LINGO2: variants seen among roughly 807,000 people sequenced by gnomAD.
LINGO2 encodes the protein leucine rich repeat and Ig domain containing 2, also known as leucine-rich repeat and immunoglobulin-like domain-containing nogo receptor-interacting protein 2.
In LINGO2, 14 loss-of-function variants were observed where a neutral mutation model predicts 30.6. That is an observed-to-expected ratio of 0.46 (90% CI 0.30 to 0.72). The LOEUF is 0.72. LINGO2 is among the 30% of genes least tolerant of loss of function. The probability of loss-of-function intolerance (pLI) is 0.07; values close to 1 mark genes in which losing one functional copy is unlikely to be tolerated. For missense variants in LINGO2, 729 were observed against 751.7 expected (o/e 0.97, Z 0.35); for synonymous variants, 317 against 288.5 (o/e 1.10, Z -1.00).
the LINGO2 span, among the ~76,000 whole-genome samples, chr9:29,114,269 G>C: frequency 1.3e-5 from 2 of 151,574 alleles, no homozygotes; most frequent in African/African-American, 4.8e-5. Context: ...AAACAATATT[G>C]AGTGAAAGTA....
At chr9:28,127,995 A>G (rs966219395) in intron 4 of LINGO2, among the ~76,000 whole-genome samples, 22 of 152,188 alleles carry the variant, frequency 1.4e-4, no homozygotes, top group Admixed American at 1.4e-3. Context: ...AAGTGTCTCT[A>G]TTTAAAAAAT....
chr9:29,087,611 A>C, the LINGO2 span, among the ~76,000 whole-genome samples: 7 of 152,152 alleles, frequency 4.6e-5, no homozygotes, highest in Non-Finnish European at 1.0e-4. Context: ...ATAGACCTCT[A>C]TACCAAATGT....
the LINGO2 span, among the ~76,000 whole-genome samples, chr9:28,691,661 G>A: frequency 6.6e-6 from 1 of 152,068 alleles, no homozygotes. Context: ...GTGATCTTGA[G>A]AATCTTGGAT....
At chr9:28,040,031 T>TAA (rs894853172) in intron 4 of LINGO2, among the ~76,000 whole-genome samples, 1 of 152,240 alleles carries the variant, frequency 6.6e-6, no homozygotes, top group African/African-American at 2.4e-5. Flanking sequence ...CAGCATGAGA[T>TAA]AAGGTGAACT....
chr9:28,765,452 G>A, the LINGO2 span, among the ~76,000 whole-genome samples: 1 of 152,038 alleles, frequency 6.6e-6, no homozygotes, highest in East Asian at 1.9e-4. Flanking sequence ...TGGTGGGGAA[G>A]GTGGGGCCTA....
the LINGO2 span, among the ~76,000 whole-genome samples, chr9:29,029,832 A>C: frequency 6.6e-6 from 1 of 151,628 alleles, no homozygotes; most frequent in Non-Finnish European, 1.5e-5. Flanking sequence ...GCCATTTAGA[A>C]GATATAAATC....
chr9:28,226,100 G>C (rs1410090232), intron 4 of LINGO2, among the ~76,000 whole-genome samples: 1 of 152,144 alleles, frequency 6.6e-6, no homozygotes, highest in East Asian at 1.9e-4. Context: ...ATCCAGCCAA[G>C]GCCACAGAAA....
chr9:28,216,946 C>A (rs760393014), intron 4 of LINGO2, among the ~76,000 whole-genome samples: 2 of 151,480 alleles, frequency 1.3e-5, no homozygotes, highest in Non-Finnish European at 3.0e-5. Context: ...ATTTACATGC[C>A]AACATCCTTC....
Position 28,293,067 on chromosome 9 carries a change from C to T in LINGO2, c.-87+2141G>A, listed in dbSNP as rs10968448. 0.016 allele frequency among the ~76,000 whole-genome samples: 2,461 copies of T among 152,028 alleles called. 147 individuals carry two copies. In the East Asian group the frequency reaches 0.2, roughly 12 times the overall value. ...GATTACAGCCTTGAGCCACCGCACC[C>T]GGCTGGCCCTGATTTTTTAAAAATT... On this transcript the variant is annotated intron_variant, in intron 4 of 5. Transcript: ENST00000379992.
chr9:27,998,163 C>T (rs1309472534), intron 5 of LINGO2, among the ~76,000 whole-genome samples: 3 of 146,336 alleles, frequency 2.1e-5, no homozygotes, highest in Non-Finnish European at 4.6e-5. Context: ...TAGCCTATGT[C>T]TACATTGACC....
chr9:28,092,479 AGGTGGGAACT>A (rs943669331), intron 4 of LINGO2, among the ~76,000 whole-genome samples: 6 of 145,960 alleles, frequency 4.1e-5, no homozygotes, highest in Non-Finnish European at 7.6e-5. Flanking sequence ...TCTCACTCAT[AGGTGGGAACT>A]GAACAATGAG....
intron 3 of LINGO2, among the ~76,000 whole-genome samples, chr9:28,343,754 A>C (rs1459626718): frequency 6.6e-6 from 1 of 152,100 alleles, no homozygotes; most frequent in Non-Finnish European, 1.5e-5. Context: ...ACCTCTTCTC[A>C]CCATTTCTAT....
chr9:28,299,734 C>T (rs895791016), intron 3 of LINGO2, among the ~76,000 whole-genome samples: 2 of 151,882 alleles, frequency 1.3e-5, no homozygotes, highest in Admixed American at 6.6e-5. Context: ...AGTGCTGTAC[C>T]GTATTAACTC....
chr9:29,075,677 T>C, the LINGO2 span, among the ~76,000 whole-genome samples: 1 of 152,094 alleles, frequency 6.6e-6, no homozygotes, highest in Non-Finnish European at 1.5e-5. Flanking sequence ...CCTGGTGTTT[T>C]AAGAGGAAAA....
chr9:28,911,669 C>T, the LINGO2 span, among the ~76,000 whole-genome samples: 135 of 152,088 alleles, frequency 8.9e-4, no homozygotes, highest in Non-Finnish European at 1.5e-3. Context: ...GTTTCAAACT[C>T]CTAGAGAATA....
At chr9:28,240,401 A>AACC (rs1821739635) in intron 4 of LINGO2, among the ~76,000 whole-genome samples, 1 of 152,174 alleles carries the variant, frequency 6.6e-6, no homozygotes, top group African/African-American at 2.4e-5. Context: ...TAGTAACCAA[A>AACC]ACAGCATGGT....
intron 1 of LINGO2, among the ~76,000 whole-genome samples, chr9:28,589,301 G>A (rs899787044): frequency 4.6e-5 from 7 of 152,042 alleles, no homozygotes; most frequent in African/African-American, 1.7e-4. Context: ...TTCTGGCCAG[G>A]GCAGTCAGGC....
chr9:28,472,694 A>T (rs1825574604), intron 2 of LINGO2, among the ~76,000 whole-genome samples: 1 of 152,068 alleles, frequency 6.6e-6, no homozygotes, highest in South Asian at 2.1e-4. Flanking sequence ...TTTCATAAAT[A>T]ATTACCTACA....
intron 4 of LINGO2, among the ~76,000 whole-genome samples, chr9:28,106,004 TCTGCCTC>T (rs1368493964): frequency 6.6e-6 from 1 of 152,080 alleles, no homozygotes; most frequent in Non-Finnish European, 1.5e-5. Context: ...CCAACAGAGC[TCTGCCTC>T]CTGTCAGATC....
Sources: allele counts gnomAD v4.1 joint callset (sites outside exome capture counted in the v4.1 genomes callset), GRCh38; gene constraint gnomAD v4.1.1; transcripts MANE v1.5; gene names NCBI Gene and HGNC (gene_info 2026-07-23, HGNC 2026-07-21).